The following ADAMTS17 variants were observed in gnomAD, a reference collection of about 807,000 sequenced individuals.
ADAMTS17 encodes the protein A disintegrin and metalloproteinase with thrombospondin motifs 17.
In ADAMTS17, 113 loss-of-function variants were observed where a neutral mutation model predicts 141.5. That is an observed-to-expected ratio of 0.80 (90% CI 0.69 to 0.93). The LOEUF is 0.93. Among genes scored for constraint, ADAMTS17 ranks in the 40% least tolerant of loss-of-function variants. ADAMTS17 has a pLI of 0.00. For missense variants in ADAMTS17, 1,659 were observed against 1,517.9 expected, an observed-to-expected ratio of 1.09 and a Z score of -1.54; for synonymous variants, 768 against 630.6, an observed-to-expected ratio of 1.22 and a Z score of -3.27.
chr15:100,185,678 G>T (rs564237985), intron 8 of ADAMTS17, among the ~76,000 whole-genome samples: 2 of 152,140 alleles, frequency 1.3e-5, no homozygotes, highest in Non-Finnish European at 2.9e-5. Flanking sequence ...CAGCTCTGCT[G>T]TCGGGGGCTG....
At chr15:100,033,722 C>G (rs1035679196) in intron 18 of ADAMTS17, among the ~76,000 whole-genome samples, 1 of 152,220 alleles carries the variant, frequency 6.6e-6, no homozygotes, top group African/African-American at 2.4e-5. Context: ...GATACAGGAG[C>G]TGCTCCAGCC....
intron 15 of ADAMTS17, among the ~76,000 whole-genome samples, chr15:100,059,106 G>A (rs932098698): frequency 1.3e-5 from 2 of 152,218 alleles, no homozygotes; most frequent in Non-Finnish European, 2.9e-5. Flanking sequence ...ACAGCTGTGG[G>A]GGCACTCCAA....
intron 7 of ADAMTS17, among the ~76,000 whole-genome samples, chr15:100,208,902 A>C (rs1227928268): frequency 1.1e-4 from 16 of 152,136 alleles, no homozygotes; most frequent in African/African-American, 3.1e-4. Flanking sequence ...TTTCACCTGC[A>C]ACACCAGGCT....
At chr15:100,188,575 T>C (rs2040807268) in intron 8 of ADAMTS17, among the ~76,000 whole-genome samples, 1 of 152,300 alleles carries the variant, frequency 6.6e-6, no homozygotes, top group Non-Finnish European at 1.5e-5. Flanking sequence ...CATACAAGTT[T>C]GTAAATATCC....
rs1340806363 is a variant in ADAMTS17 at position 99,972,616 on chromosome 15, G to A, written c.*1786C>T. ...TGCTGGTGGCCAGGCCTGAAGGGGA[G>A]GACAGCAGTCTGCGCAGGCCGCGGG... On this transcript the variant is annotated 3_prime_UTR_variant, in exon 22 of 22. Coordinates refer to ENST00000268070, the MANE Select transcript of ADAMTS17 (RefSeq NM_139057.4). 2 of 152,190 alleles carry A rather than the reference G, an allele frequency of 1.3e-5. No individual in the cohort carries two copies. Among genetic ancestry groups the A allele is most frequent in the Non-Finnish European group, 2.9e-5 (2 of 68,046 alleles). 9.4% of individuals were successfully genotyped at this position (152,190 alleles called of 1,614,324 possible).
At chr15:99,975,280 G>T (rs1206973118) in intron 21 of ADAMTS17, among the ~76,000 whole-genome samples, 4 of 152,208 alleles carry the variant, frequency 2.6e-5, no homozygotes, top group African/African-American at 9.7e-5. Context: ...CACGATCTCG[G>T]CTCACTACAA....
intron 8 of ADAMTS17, among the ~76,000 whole-genome samples, chr15:100,163,212 A>C (rs1403502124): frequency 6.6e-6 from 1 of 152,024 alleles, no homozygotes; most frequent in Non-Finnish European, 1.5e-5. Flanking sequence ...TTTAACTTTT[A>C]CCAAAAATTC....
chr15:100,294,680 A>T (rs2044750112), intron 3 of ADAMTS17, among the ~76,000 whole-genome samples: 2 of 152,198 alleles, frequency 1.3e-5, no homozygotes, highest in Non-Finnish European at 2.9e-5. Context: ...GCACTCCAGC[A>T]TGGGCGACAG....
At chr15:100,210,349 A>G (rs1037320445) in intron 7 of ADAMTS17, among the ~76,000 whole-genome samples, 2 of 151,760 alleles carry the variant, frequency 1.3e-5, no homozygotes, top group Non-Finnish European at 2.9e-5. Flanking sequence ...TGTGTGTACC[A>G]GGTCCTGCAC....
chr15:100,302,519 TCAA>T (rs1354176498), intron 3 of ADAMTS17, among the ~76,000 whole-genome samples: 1 of 152,214 alleles, frequency 6.6e-6, no homozygotes, highest in East Asian at 1.9e-4. Context: ...TTTTACATTC[TCAA>T]CAGCAGTCTA....
chr15:100,134,574 G>C lies in ADAMTS17; in HGVS notation c.1474-1259C>G, dbSNP rs544638829. Among the ~76,000 whole-genome samples the C allele has an allele frequency of 4.6e-5, 7 of 152,330 alleles. No individual in the cohort carries two copies. The South Asian group carries it at 1.2e-3, about 27-fold the overall frequency. ...GTGGTCACCGTGTGGTTTGCAAAGG[G>C]TGTCGAGTTCAGTTTAGAGGTCTGC... On this transcript the variant is annotated intron_variant, in intron 10 of 21. Coordinates refer to ENST00000268070, the MANE Select transcript of ADAMTS17 (RefSeq NM_139057.4).
intron 14 of ADAMTS17, among the ~76,000 whole-genome samples, chr15:100,098,883 G>C (rs1173236637): frequency 6.6e-6 from 1 of 152,266 alleles, no homozygotes; most frequent in South Asian, 2.1e-4. Context: ...CTCTTTCCTG[G>C]CACCTGTTCC....
At chr15:99,980,548 A>T (rs1449158316) in intron 20 of ADAMTS17, 1 of 152,168 alleles carries the variant, frequency 6.6e-6, no homozygotes, top group African/African-American at 2.4e-5. Context: ...AACTGCACAG[A>T]TGGATGGAGG....
intron 4 of ADAMTS17, among the ~76,000 whole-genome samples, chr15:100,273,283 C>T (rs1007760223): frequency 1.3e-5 from 2 of 152,104 alleles, no homozygotes; most frequent in Non-Finnish European, 2.9e-5. Flanking sequence ...AGTGTTAGCT[C>T]TCCTTTAAAT....
chr15:100,195,711 CT>C (rs568999118), intron 8 of ADAMTS17, among the ~76,000 whole-genome samples: 1 of 151,914 alleles, frequency 6.6e-6, no homozygotes, highest in African/African-American at 2.4e-5. Context: ...TAGGGAACCC[CT>C]CTCCATGATA....
intron 7 of ADAMTS17, among the ~76,000 whole-genome samples, chr15:100,223,879 C>A (rs933874855): frequency 6.6e-6 from 1 of 151,850 alleles, no homozygotes; most frequent in African/African-American, 2.4e-5. Context: ...ACAAGGTCCC[C>A]CAATAGGCTG....
intron 18 of ADAMTS17, among the ~76,000 whole-genome samples, chr15:100,019,751 T>C (rs2061366541): frequency 6.6e-6 from 1 of 152,222 alleles, no homozygotes; most frequent in East Asian, 1.9e-4. Context: ...GCTGTGGAAT[T>C]TGGCCCTGTG....
At chr15:100,187,163 G>A (rs1044410967) in intron 8 of ADAMTS17, among the ~76,000 whole-genome samples, 1 of 152,156 alleles carries the variant, frequency 6.6e-6, no homozygotes, top group Non-Finnish European at 1.5e-5. Flanking sequence ...TGTAAGGTGA[G>A]ACTTGCTGGG....
chr15:100,270,666 G>C (rs1329068373), intron 4 of ADAMTS17, among the ~76,000 whole-genome samples: 1 of 151,468 alleles, frequency 6.6e-6, no homozygotes, highest in Non-Finnish European at 1.5e-5. Flanking sequence ...AATGTTGATG[G>C]TGTAGACATA....
Sources: allele counts gnomAD v4.1 joint callset (sites outside exome capture counted in the v4.1 genomes callset), GRCh38; gene constraint gnomAD v4.1.1; transcripts MANE v1.5; gene names NCBI Gene and HGNC (gene_info 2026-07-23, HGNC 2026-07-21).